Variants in FOXO3 observed in about 807,000 individuals in gnomAD.
FOXO3 encodes forkhead box protein O3.
A neutral mutation model predicts 41.9 loss-of-function variants in FOXO3; 4 were observed. The ratio of observed to expected loss-of-function variants is 0.10; its 90% confidence interval spans 0.05 to 0.22. The LOEUF is 0.22. Among genes scored for constraint, FOXO3 ranks in the 10% least tolerant of loss-of-function variants. The pLI, the probability that FOXO3 is intolerant of heterozygous loss-of-function variation, is 1.00. For missense variants in FOXO3, 534 were observed against 906.8 expected (o/e 0.59, Z 5.28); for synonymous variants, 318 against 389.3 (o/e 0.82, Z 2.16).
At chr6:108,638,330 A>G (rs1057438649) in intron 1 of FOXO3, among the ~76,000 whole-genome samples, 6 of 152,230 alleles carry the variant, frequency 3.9e-5, no homozygotes, top group Non-Finnish European at 5.9e-5. Context: ...GGTTTGTCCA[A>G]GATTTCATTT....
chr6:108,632,772 A>G (rs13207511), intron 1 of FOXO3, among the ~76,000 whole-genome samples: 27,089 of 152,028 alleles, frequency 0.18, 2,944 homozygotes, highest in Non-Finnish European at 0.25. Context: ...GAAAACGTCA[A>G]CTTCCTGGTG....
chr6:108,635,033 T>C (rs1167250253), intron 1 of FOXO3, among the ~76,000 whole-genome samples: 2 of 151,774 alleles, frequency 1.3e-5, no homozygotes, highest in Non-Finnish European at 2.9e-5. Flanking sequence ...GCATGGTGGC[T>C]CACACCTGTA....
At chr6:108,604,024 G>A (rs969452874) in intron 1 of FOXO3, among the ~76,000 whole-genome samples, 3 of 152,034 alleles carry the variant, frequency 2.0e-5, no homozygotes, top group African/African-American at 7.3e-5. Context: ...AAATAATATG[G>A]TATTGAGGAT....
At chr6:108,665,323 C>T (rs919827943) in intron 2 of FOXO3, among the ~76,000 whole-genome samples, 4 of 152,160 alleles carry the variant, frequency 2.6e-5, no homozygotes, top group Non-Finnish European at 4.4e-5. Context: ...GGTCCGTCAC[C>T]GCTTTTGTCA....
chr6:108,561,907 A>C (rs1775805429), intron 1 of FOXO3, 78 bp downstream of exon 1: 1 of 1,473,994 alleles, frequency 6.8e-7, no homozygotes, highest in East Asian at 2.6e-5. Context: ...GATTCGTCGG[A>C]GTGCGCTTGC....
chr6:108,642,419 G>A (rs1778285916), intron 1 of FOXO3, among the ~76,000 whole-genome samples: 1 of 152,032 alleles, frequency 6.6e-6, no homozygotes, highest in Non-Finnish European at 1.5e-5. Flanking sequence ...ACTTAAGAGA[G>A]TTTTTGGCAA....
chr6:108,592,596 A>C (rs1400423484), intron 1 of FOXO3, among the ~76,000 whole-genome samples: 3 of 152,188 alleles, frequency 2.0e-5, no homozygotes, highest in Non-Finnish European at 2.9e-5. Flanking sequence ...TTTTTTAAGT[A>C]GGGGTTCTGG....
intron 1 of FOXO3, among the ~76,000 whole-genome samples, chr6:108,641,277 A>T (rs1778250507): frequency 6.6e-6 from 1 of 152,054 alleles, no homozygotes; most frequent in African/African-American, 2.4e-5. Context: ...TATGCCTTTA[A>T]ACTTAAGTTA....
chr6:108,624,821 G>C (rs1410936861), intron 1 of FOXO3, among the ~76,000 whole-genome samples: 1 of 151,914 alleles, frequency 6.6e-6, no homozygotes. Flanking sequence ...AAAGAGTCTT[G>C]CTCTGTTGCC....
chr6:108,641,785 C>T (rs1392048953), intron 1 of FOXO3, among the ~76,000 whole-genome samples: 1 of 151,498 alleles, frequency 6.6e-6, no homozygotes, highest in East Asian at 1.9e-4. Flanking sequence ...CTAGAATTGC[C>T]ACAAAAAAAA....
intron 1 of FOXO3, among the ~76,000 whole-genome samples, chr6:108,645,090 T>C (rs1209999321): frequency 6.6e-6 from 1 of 152,216 alleles, no homozygotes; most frequent in Non-Finnish European, 1.5e-5. Flanking sequence ...TTATATGATA[T>C]TAAATGTTAA....
chr6:108,630,155 A>G (rs1415667551), intron 1 of FOXO3, among the ~76,000 whole-genome samples: 1 of 152,196 alleles, frequency 6.6e-6, no homozygotes, highest in East Asian at 1.9e-4. Context: ...AAAGGGGAAG[A>G]TCTGGTGGAT....
At position 108,587,193 on chromosome 6, in the gene FOXO3, T is replaced by A. The variant is rs139525561; in HGVS notation, c.621+25364T>A. On this transcript the variant is annotated intron_variant, in intron 1 of 2. Coordinates refer to ENST00000406360, the MANE Select transcript of FOXO3 (RefSeq NM_001455.4). ...TTCAGTTGGTATTTGGTGGACCAAG[T>A]TGACCAAGCTCACCCAGCTTCTGAG... is the stretch of plus-strand genomic sequence containing the variant. 3.3e-5 allele frequency among the ~76,000 whole-genome samples: 5 copies of A among 152,118 alleles called. No homozygotes were observed. In the East Asian group the frequency reaches 9.7e-4, roughly 29 times the overall value.
intron 1 of FOXO3, among the ~76,000 whole-genome samples, chr6:108,562,683 T>G (rs937849295): frequency 1.2e-4 from 19 of 152,294 alleles, no homozygotes; most frequent in African/African-American, 4.3e-4. Flanking sequence ...CGGGCCGTAA[T>G]GGCTTCTACC....
At chr6:108,572,686 AAAAG>A (rs1268070276) in intron 1 of FOXO3, among the ~76,000 whole-genome samples, 19 of 152,316 alleles carry the variant, frequency 1.2e-4, no homozygotes, top group African/African-American at 4.3e-4. Flanking sequence ...TTTTGCAATA[AAAAG>A]AGTCTACACA....
chr6:108,567,576 G>A (rs1775979947), intron 1 of FOXO3, among the ~76,000 whole-genome samples: 1 of 152,188 alleles, frequency 6.6e-6, no homozygotes, highest in South Asian at 2.1e-4. Flanking sequence ...GACTATGTGA[G>A]TGACTGGGTT....
intron 1 of FOXO3, among the ~76,000 whole-genome samples, chr6:108,642,264 A>AT (rs1778281820): frequency 2.0e-5 from 3 of 151,782 alleles, no homozygotes; most frequent in Non-Finnish European, 2.9e-5. Flanking sequence ...AATTTTCAAA[A>AT]TTTTTTTGTA....
intron 2 of FOXO3, among the ~76,000 whole-genome samples, chr6:108,675,159 T>TCC (rs1267819389): frequency 6.6e-6 from 1 of 152,166 alleles, no homozygotes; most frequent in Non-Finnish European, 1.5e-5. Flanking sequence ...TAGGGCATTC[T>TCC]TAAACTTATT....
intron 2 of FOXO3, among the ~76,000 whole-genome samples, chr6:108,670,855 G>A (rs1344412892): frequency 6.6e-6 from 1 of 152,130 alleles, no homozygotes; most frequent in Admixed American, 6.5e-5. Context: ...ATCCATGCAT[G>A]GGCTAGCTGC....
Sources: allele counts gnomAD v4.1 joint callset (sites outside exome capture counted in the v4.1 genomes callset), GRCh38; gene constraint gnomAD v4.1.1; transcripts MANE v1.5; gene names NCBI Gene and HGNC (gene_info 2026-07-23, HGNC 2026-07-21).